The following GAB1 variants were observed in gnomAD, a reference collection of about 807,000 sequenced individuals.
GAB1 encodes the protein GRB2-associated-binding protein 1.
GAB1 carries 19 observed loss-of-function variants against 66.5 expected under a neutral mutation model. The observed-to-expected ratio is 0.29, with a 90% CI of 0.20 to 0.42. The LOEUF (loss-of-function observed/expected upper bound fraction) is 0.42. GAB1 is among the 10% of genes least tolerant of loss of function. The pLI is 1.00. For missense variants in GAB1, 732 were observed against 858.5 expected, an observed-to-expected ratio of 0.85 and a Z score of 1.84; for synonymous variants, 294 against 301.4, an observed-to-expected ratio of 0.98 and a Z score of 0.25.
chr4:143,460,750 A>T (rs776271856), intron 8 of GAB1, among the ~76,000 whole-genome samples: 24 of 151,788 alleles, frequency 1.6e-4, no homozygotes, highest in Admixed American at 2.0e-4. Flanking sequence ...TGGGAGGCTG[A>T]GGTGGGAGGA....
At chr4:143,401,026 A>T (rs114564672) in intron 1 of GAB1, among the ~76,000 whole-genome samples, 2 of 151,838 alleles carry the variant, frequency 1.3e-5, no homozygotes, top group Non-Finnish European at 2.9e-5. Context: ...TCAACAAAAT[A>T]CAGAACGGTG....
At chr4:143,374,666 A>G (rs767329939) in intron 1 of GAB1, among the ~76,000 whole-genome samples, 2 of 152,148 alleles carry the variant, frequency 1.3e-5, no homozygotes, top group African/African-American at 2.4e-5. Flanking sequence ...TGTCCAACCA[A>G]AGTTGCTTCT....
At chr4:143,460,113 T>A (rs1476287522) in intron 7 of GAB1, among the ~76,000 whole-genome samples, 1 of 152,148 alleles carries the variant, frequency 6.6e-6, no homozygotes, top group Non-Finnish European at 1.5e-5. Flanking sequence ...TATCACCAAG[T>A]CACTGGCAGT....
intron 9 of GAB1, 103 bp downstream of exon 9, chr4:143,466,328 A>C: frequency 8.5e-7 from 1 of 1,182,802 alleles, no homozygotes; most frequent in Non-Finnish European, 1.2e-6. Context: ...TATGTTTAAT[A>C]TAAATTTAGT....
At chr4:143,426,960 A>T (rs1205626942) in intron 2 of GAB1, among the ~76,000 whole-genome samples, 1 of 152,232 alleles carries the variant, frequency 6.6e-6, no homozygotes, top group Non-Finnish European at 1.5e-5. Flanking sequence ...CTGATGCAGA[A>T]CTTTGCTCTG....
At chr4:143,352,050 G>A (rs1344108203) in intron 1 of GAB1, among the ~76,000 whole-genome samples, 5 of 152,190 alleles carry the variant, frequency 3.3e-5, no homozygotes, top group Non-Finnish European at 7.3e-5. Flanking sequence ...GGGTTTAGGT[G>A]ATAGGCAAAT....
chr4:143,470,278 A>G lies in GAB1; in HGVS notation c.*1089A>G, dbSNP rs1736012244. On this transcript the variant is annotated 3_prime_UTR_variant, in exon 10 of 10. Transcript: ENST00000262994. ...GGCCTTATATTTAATTCCCTATGCA[A>G]TTAATATTTTATATCTGCATTTTTT... 2 of 152,242 alleles carry G rather than the reference A, an allele frequency of 1.3e-5. No homozygotes were observed. Among genetic ancestry groups the G allele is most frequent in the South Asian group, 4.1e-4 (2 of 4,830 alleles). 9.4% of individuals were successfully genotyped at this position (152,242 alleles called of 1,614,324 possible).
intron 1 of GAB1, among the ~76,000 whole-genome samples, chr4:143,348,836 C>G (rs1252106380): frequency 6.6e-6 from 1 of 152,096 alleles, no homozygotes; most frequent in Non-Finnish European, 1.5e-5. Context: ...ACTGAACTTT[C>G]ATGGTCCAGA....
intron 1 of GAB1, among the ~76,000 whole-genome samples, chr4:143,361,837 A>G (rs1248326031): frequency 6.6e-6 from 1 of 152,026 alleles, no homozygotes; most frequent in East Asian, 1.9e-4. Flanking sequence ...GTACCTAGTA[A>G]TGTGACTGCA....
At chr4:143,344,654 A>G (rs1309721809) in intron 1 of GAB1, among the ~76,000 whole-genome samples, 2 of 152,180 alleles carry the variant, frequency 1.3e-5, no homozygotes, top group Non-Finnish European at 2.9e-5. Context: ...GAGCCTCAAT[A>G]AATTGTAGAT....
intron 1 of GAB1, among the ~76,000 whole-genome samples, chr4:143,352,524 GT>G (rs1008476647): frequency 8.5e-5 from 13 of 152,328 alleles, no homozygotes; most frequent in African/African-American, 2.9e-4. Flanking sequence ...AAAAACAAGG[GT>G]CTAGAGCAGT....
Position 143,438,274 on chromosome 4 carries a change from C to G in GAB1, c.869C>G (p.Pro290Arg). The change falls in exon 4 of 10, where the codon CCA becomes CGA. Residue 290 changes from proline to arginine, a missense_variant. This residue lies in a region of GAB1 where 427 missense variants were observed against 420.6 expected (regional missense o/e 1.02). Transcript: ENST00000262994. Reference sequence around the variant, plus strand: ...GGAGAACTCTATGTTTTTAATACCCCATCTGGGACATCGAGTGTAGAGACT... The same window carrying G: ...GGAGAACTCTATGTTTTTAATACCCGATCTGGGACATCGAGTGTAGAGACT... ...ADGELYVFNTPSGTSSVETQM... is the reference protein window; with the variant it reads ...ADGELYVFNTRSGTSSVETQM... 2 of 1,613,920 alleles carry G rather than the reference C, an allele frequency of 1.2e-6. No homozygotes were observed. Among genetic ancestry groups the G allele is most frequent in the Non-Finnish European group, 1.7e-6 (2 of 1,179,848 alleles).
At chr4:143,346,962 A>G (rs1729010118) in intron 1 of GAB1, among the ~76,000 whole-genome samples, 1 of 152,206 alleles carries the variant, frequency 6.6e-6, no homozygotes, top group South Asian at 2.1e-4. Context: ...TTAAGCAGTC[A>G]AATAGTTGAG....
At chr4:143,371,020 T>A (rs1374579639) in intron 1 of GAB1, among the ~76,000 whole-genome samples, 1 of 152,250 alleles carries the variant, frequency 6.6e-6, no homozygotes, top group Non-Finnish European at 1.5e-5. Context: ...TGTCCGCATG[T>A]GTCTTTATAG....
intron 1 of GAB1, among the ~76,000 whole-genome samples, chr4:143,388,539 C>T (rs28989231): frequency 0.017 from 2,531 of 152,212 alleles, 28 homozygotes; most frequent in Middle Eastern, 0.038. Context: ...CTCAGCTTCC[C>T]GAGTAGCTGG....
chr4:143,465,559 C>T (rs1735738558), intron 8 of GAB1, among the ~76,000 whole-genome samples: 1 of 152,086 alleles, frequency 6.6e-6, no homozygotes, highest in Non-Finnish European at 1.5e-5. Flanking sequence ...TCTTGTATTT[C>T]AGGCCTTCCT....
intron 1 of GAB1, among the ~76,000 whole-genome samples, chr4:143,362,250 A>G (rs1336269417): frequency 6.6e-6 from 1 of 152,200 alleles, no homozygotes; most frequent in Non-Finnish European, 1.5e-5. Context: ...AAAATGTTAT[A>G]ACAGAACCCA....
rs1734169227 is a variant in GAB1, at chr4:143,440,468, G to GGA, written c.1585+87_1585+88dup. 44 of 1,268,838 alleles carry GGA rather than the reference G, an allele frequency of 3.5e-5. No homozygotes were observed. In the South Asian group the frequency reaches 6.6e-4, roughly 19 times the overall value. 78.6% of individuals were successfully genotyped at this position (1,268,838 alleles called of 1,614,324 possible). On this transcript the variant is annotated intron_variant, in intron 6 of 9. Coordinates refer to ENST00000262994, the MANE Select transcript of GAB1 (RefSeq NM_002039.4). Reference sequence around the variant, plus strand: ...TGCCATTAAATCCAAAATAGAATTTGGACTAGAAATTCTGAAATATTTCAT... The same window carrying GGA: ...TGCCATTAAATCCAAAATAGAATTTGGAGACTAGAAATTCTGAAATATTTCAT...
chr4:143,415,473 C>T lies in GAB1; in HGVS notation c.73-4C>T, dbSNP rs1457825951. 1 of 1,585,834 alleles carries T rather than the reference C, an allele frequency of 6.3e-7. No individual in the cohort carries two copies. The highest frequency in any genetic ancestry group is 1.1e-5 in the South Asian group (1 of 87,216). On this transcript the variant is annotated splice_region_variant and splice_polypyrimidine_tract_variant and intron_variant, in intron 1 of 9. Coordinates refer to ENST00000262994, the MANE Select transcript of GAB1 (RefSeq NM_002039.4). ...CTGAATGGATATTTTTGTTTTGTTT[C>T]TAGGCATGGAAGAGGAGATGGTTCG...
Sources: allele counts gnomAD v4.1 joint callset (sites outside exome capture counted in the v4.1 genomes callset), GRCh38; gene constraint gnomAD v4.1.1; regional missense constraint gnomAD v4.1.1; transcripts MANE v1.5; gene names NCBI Gene and HGNC (gene_info 2026-07-23, HGNC 2026-07-21).